The following UCKL1 variants were observed in gnomAD, a reference collection of about 807,000 sequenced individuals.
The protein encoded by UCKL1 is uridine-cytidine kinase 1 like 1.
Under a neutral mutation model 59.2 loss-of-function variants are expected in UCKL1, and 65 were observed. That is an observed-to-expected ratio of 1.10 (90% CI 0.90 to 1.35). The LOEUF (loss-of-function observed/expected upper bound fraction) is 1.35. Among genes scored for constraint, UCKL1 ranks in the 40% most tolerant of loss-of-function variants. The pLI is 0.00. For missense variants in UCKL1, 703 were observed against 784.3 expected, an observed-to-expected ratio of 0.90 and a Z score of 1.24; for synonymous variants, 410 against 323.1, an observed-to-expected ratio of 1.27 and a Z score of -2.88.
At chr20:63,951,322 C>T (rs557939665) in intron 1 of UCKL1, 31 of 513,996 alleles carry the variant, frequency 6.0e-5, no homozygotes, top group Middle Eastern at 1.0e-3. Flanking sequence ...AGCCTAGGAC[C>T]GCAGGCCTGC....
chr20:63,951,010 C>T (rs1430447222), intron 1 of UCKL1: 2 of 1,279,280 alleles, frequency 1.6e-6, no homozygotes, highest in Non-Finnish European at 2.0e-6. Context: ...CTCCTGTGGG[C>T]AGCACAGTGG....
intron 10 of UCKL1, 46 bp downstream of exon 10, chr20:63,940,904 C>T (rs1296420888): frequency 2.0e-6 from 3 of 1,521,394 alleles, no homozygotes; most frequent in African/African-American, 2.8e-5. Flanking sequence ...GAGCTCGCAC[C>T]GGCTCCAAGA....
At chr20:63,953,911 G>A (rs1215015327) in intron 1 of UCKL1, 1 of 152,570 alleles carries the variant, frequency 6.6e-6, no homozygotes, top group East Asian at 1.9e-4. Flanking sequence ...GTTCAGGCCT[G>A]TTCTACCACC....
chr20:63,941,840 A>T lies in UCKL1; in HGVS notation c.924-632T>A, dbSNP rs552878215. 8.0e-5 allele frequency among the ~76,000 whole-genome samples: 12 copies of T among 149,504 alleles called. No individual in the cohort carries two copies. The South Asian group carries it at 1.8e-3, about 22-fold the overall frequency. On this transcript the variant is annotated intron_variant, in intron 8 of 14. Transcript: ENST00000354216. ...GGAGGAGGCAAAGCCGGAAAGGGGC[A>T]TGACAGGGGCAGGGAATGGGGCGGG...
In UCKL1 at chr20:63,940,800, CCCCGCATAGCACTTG is replaced by C. The variant is rs773480842; in HGVS notation, c.1158_1172del (p.Cys388_Lys392del). 2.5e-6 allele frequency: 4 copies of C among 1,585,866 alleles called. No individual in the cohort carries two copies. Among genetic ancestry groups the C allele is most frequent in the Non-Finnish European group, 2.6e-6 (3 of 1,167,692 alleles). ...GGTGTGCCCAGGCAGGTACCTGCTTCCCCGCATAGCACTTGCCCGCATAGTCCTGCCCCTGCGGGG... is the reference window on the plus strand; with the variant it reads ...GGTGTGCCCAGGCAGGTACCTGCTTCCCCGCATAGTCCTGCCCCTGCGGGG... On this transcript the variant is annotated inframe_deletion, in exon 11 of 15. Coordinates refer to ENST00000354216, the MANE Select transcript of UCKL1 (RefSeq NM_017859.4).
Position 63,940,578 on chromosome 20 carries a change from G to A in UCKL1, c.1302+16C>T, listed in dbSNP as rs754718761. Reference sequence around the variant, plus strand: ...CCCCTACCCCCGGGCTCATCACCCCGGCTGCCCCCAGGCACCTCGGGCTCC... The same window carrying A: ...CCCCTACCCCCGGGCTCATCACCCCAGCTGCCCCCAGGCACCTCGGGCTCC... On this transcript the variant is annotated intron_variant, in intron 12 of 14. Coordinates refer to ENST00000354216, the MANE Select transcript of UCKL1 (RefSeq NM_017859.4). 13 of 1,606,284 alleles carry A rather than the reference G, an allele frequency of 8.1e-6. No homozygotes were observed. In the African/African-American group the frequency reaches 1.2e-4, roughly 15 times the overall value.
chr20:63,956,327 A>G lies in UCKL1; in HGVS notation c.46T>C (p.Ser16Pro), dbSNP rs1349658326. The G allele has an allele frequency of 6.4e-7, 1 of 1,553,460 alleles. No individual in the cohort carries two copies. Among genetic ancestry groups the G allele is most frequent in the Non-Finnish European group, 8.7e-7 (1 of 1,153,342 alleles). ...ARADADPSPT[S>P]PPTARDTPGR... The stretch of plus-strand genomic sequence containing the variant: ...GGTGTGTCTCGGGCCGTAGGTGGCG[A>G]CGTGGGCGAAGGATCAGCGTCCGCG... Residue 16 changes from serine to proline, a missense_variant, in exon 1 of 15, where the codon TCG (serine) becomes CCG (proline). By Grantham distance (74) the Ser-to-Pro change is moderately conservative. This residue lies in a region of UCKL1 where 398 missense variants were observed against 373.0 expected (regional missense o/e 1.07). Transcript: ENST00000354216.
intron 7 of UCKL1, 29 bp from the exon 8 acceptor site, chr20:63,943,698 G>GTT: frequency 6.2e-7 from 1 of 1,612,456 alleles, no homozygotes; most frequent in South Asian, 1.1e-5. Context: ...AAGACACAAG[G>GTT]GAACGGTGGC....
chr20:63,946,267 C>T lies in UCKL1; in HGVS notation c.305G>A (p.Gly102Asp), dbSNP rs1569091073. ...GTQSKEAFAI[G>D]LGGGSASGKT... ...CCCAGAGGCACTGCCGCCTCCCAAGCCTGCCGGCGGGAGTGGAGACCCTCT... is the reference window on the plus strand; with the variant it reads ...CCCAGAGGCACTGCCGCCTCCCAAGTCTGCCGGCGGGAGTGGAGACCCTCT... The change falls in exon 3 of 15, where the codon GGC (glycine) becomes GAC (aspartate). Residue 102 changes from glycine to aspartate, a missense_variant and splice_region_variant. Physicochemically the swap from Gly to Asp is moderately conservative, Grantham distance 94 (BLOSUM62 -1). Around this residue, in one of 4 missense-constraint regions of UCKL1, gnomAD observed 398 missense variants for 373.0 expected, o/e 1.07. Transcript: ENST00000354216. 6.3e-7 allele frequency: 1 copy of T among 1,586,414 alleles called. No homozygotes were observed. Among genetic ancestry groups the T allele is most frequent in the South Asian group, 1.1e-5 (1 of 87,786 alleles).
Position 63,950,708 on chromosome 20 carries a change from C to A in UCKL1, c.114-4065G>T. On this transcript the variant is annotated intron_variant, in intron 1 of 14. Transcript: ENST00000354216. The stretch of plus-strand genomic sequence containing the variant: ...AAACACAGGTCTGAGTGGCCAGGAC[C>A]ACAGCACAAGTGGGTGCCCCTCACG... The A allele has an allele frequency of 2.3e-5, 33 of 1,462,354 alleles. No individual in the cohort carries two copies. In the South Asian group the frequency reaches 4.6e-4, roughly 20 times the overall value. The allele number at this position is 1,462,354 out of a possible 1,614,324, so 90.6% of individuals were successfully genotyped here.
At chr20:63,943,574 G>A in intron 8 of UCKL1, 79 bp downstream of exon 8, 1 of 1,601,550 alleles carries the variant, frequency 6.2e-7, no homozygotes, top group Non-Finnish European at 8.5e-7. Context: ...CTGCCTGGCT[G>A]GATCACAGCC....
chr20:63,939,859 A>G lies in UCKL1; in HGVS notation c.*117T>C, dbSNP rs543313337. On this transcript the variant is annotated 3_prime_UTR_variant, in exon 15 of 15. Transcript: ENST00000354216. Reference sequence around the variant, plus strand: ...TTTTCTAAAGCTTTATTTATTTTATAAAATGCATAGAATAAATTATACTAG... The same window carrying G: ...TTTTCTAAAGCTTTATTTATTTTATGAAATGCATAGAATAAATTATACTAG... The G allele has an allele frequency of 1.1e-6, 1 of 917,388 alleles. No homozygotes were observed. The highest frequency in any genetic ancestry group is 1.7e-5 in the South Asian group (1 of 58,602). 56.8% of individuals were successfully genotyped at this position (917,388 alleles called of 1,614,324 possible). A position where few individuals can be genotyped will look rare whatever the true frequency, so the allele number is the denominator to read the frequency against.
At chr20:63,944,170 C>G (rs1257080245) in intron 7 of UCKL1, among the ~76,000 whole-genome samples, 1 of 152,220 alleles carries the variant, frequency 6.6e-6, no homozygotes, top group Non-Finnish European at 1.5e-5. Flanking sequence ...CACCTGTACC[C>G]CCACCCCAGC....
chr20:63,940,552 C>T, intron 12 of UCKL1, 42 bp downstream of exon 12: 2 of 1,603,692 alleles, frequency 1.2e-6, no homozygotes, highest in Non-Finnish European at 1.7e-6. Flanking sequence ...GCTCCCTCTG[C>T]CCCCTACCCC....
chr20:63,951,290 G>C, intron 1 of UCKL1: 3 of 800,912 alleles, frequency 3.7e-6, no homozygotes, highest in Non-Finnish European at 4.5e-6. Context: ...CCCCTCCTGT[G>C]TGTGGGCTGG....
chr20:63,950,876 T>A, intron 1 of UCKL1: 1 of 1,450,542 alleles, frequency 6.9e-7, no homozygotes. Context: ...GCCCCAGGGG[T>A]GGATGCGTGG....
rs777202330 is a variant in UCKL1 at position 63,946,019 on chromosome 20, C to T, written c.412-44G>A. 2.8e-5 allele frequency: 45 copies of T among 1,611,954 alleles called. No individual in the cohort carries two copies. The South Asian group carries it at 3.8e-4, about 14-fold the overall frequency. On this transcript the variant is annotated intron_variant, in intron 3 of 14. Coordinates refer to ENST00000354216, the MANE Select transcript of UCKL1 (RefSeq NM_017859.4). ...GAGCAGCTGTGGGCACAGTAGGGCCCTCACCCAATGCCAGCGGACAGGGGC... is the reference window on the plus strand; with the variant it reads ...GAGCAGCTGTGGGCACAGTAGGGCCTTCACCCAATGCCAGCGGACAGGGGC...
intron 11 of UCKL1, 34 bp downstream of exon 11, chr20:63,940,760 C>G (rs571451871): frequency 2.6e-5 from 41 of 1,604,406 alleles, no homozygotes; most frequent in East Asian, 2.2e-4. Flanking sequence ...GCCCCAGCAG[C>G]CTGTCCCGCG....
intron 1 of UCKL1, among the ~76,000 whole-genome samples, chr20:63,947,515 A>C (rs1171322733): frequency 6.6e-6 from 1 of 152,230 alleles, no homozygotes; most frequent in Admixed American, 6.5e-5. Context: ...TGAAGGGCTC[A>C]GGGAGAGAGG....
Sources: gnomAD v4.1 joint callset for allele counts (sites outside exome capture counted in the v4.1 genomes callset) on GRCh38, gnomAD v4.1.1 for gene constraint, gnomAD v4.1.1 regional missense constraint, MANE v1.5 for transcripts, NCBI Gene and HGNC (gene_info 2026-07-23, HGNC 2026-07-21) for gene names.